The following FOXN3 variants were observed in gnomAD, a reference collection of about 807,000 sequenced individuals.
FOXN3 encodes forkhead box protein N3.
A neutral mutation model predicts 38.4 loss-of-function variants in FOXN3; 7 were observed. The ratio of observed to expected loss-of-function variants is 0.18; its 90% CI spans 0.10 to 0.34. FOXN3 has a LOEUF of 0.34. Ranked by LOEUF, FOXN3 falls within the 10% of genes least tolerant of loss-of-function variation. The pLI is 1.00. For synonymous variants in FOXN3, 230 were observed against 242.2 expected, an observed-to-expected ratio of 0.95 and a Z score of 0.47; for missense variants, 456 against 613.4, an observed-to-expected ratio of 0.74 and a Z score of 2.71.
chr14:89,292,214 C>T (rs1261148115), intron 3 of FOXN3, among the ~76,000 whole-genome samples: 1 of 152,200 alleles, frequency 6.6e-6, no homozygotes, highest in Non-Finnish European at 1.5e-5. Flanking sequence ...CCCTCCACTA[C>T]CCCTTGTCTC....
At chr14:89,219,307 C>T (rs1212120877) in intron 4 of FOXN3, among the ~76,000 whole-genome samples, 2 of 152,126 alleles carry the variant, frequency 1.3e-5, no homozygotes, top group African/African-American at 2.4e-5. Context: ...TCCCCTTTGC[C>T]GTCTGCCACC....
intron 1 of FOXN3, among the ~76,000 whole-genome samples, chr14:89,612,201 G>T (rs1425411238): frequency 6.6e-6 from 1 of 152,066 alleles, no homozygotes; most frequent in African/African-American, 2.4e-5. Context: ...ATTATCATTA[G>T]GTATTAGTAG....
At chr14:89,346,131 C>T (rs1199584773) in intron 3 of FOXN3, among the ~76,000 whole-genome samples, 1 of 152,168 alleles carries the variant, frequency 6.6e-6, no homozygotes, top group Non-Finnish European at 1.5e-5. Context: ...CTTTTTATGG[C>T]TGAGTAGTAT....
At chr14:89,431,907 G>T (rs1892167356) in intron 1 of FOXN3, among the ~76,000 whole-genome samples, 1 of 151,990 alleles carries the variant, frequency 6.6e-6, no homozygotes, top group African/African-American at 2.4e-5. Flanking sequence ...TACAGACGGG[G>T]TTTCACCATG....
rs1434172111 is a variant in FOXN3 at position 89,383,033 on chromosome 14, T to TG, written c.543+28900_543+28901insC. On this transcript the variant is annotated intron_variant, in intron 2 of 5. Coordinates refer to ENST00000557258, the MANE Select transcript of FOXN3 (RefSeq NM_005197.4). ...TGGAGCACAGTTTTGGGTGGTGTTT[T>TG]TTTTTTTTTTTTTTTTTTTTTCCTT... 4.8e-5 allele frequency among the ~76,000 whole-genome samples: 7 copies of TG among 145,308 alleles called. No homozygotes were observed. The South Asian group carries it at 6.8e-4, about 14-fold the overall frequency.
chr14:89,441,970 G>A (rs948509967), intron 1 of FOXN3, among the ~76,000 whole-genome samples: 1 of 146,820 alleles, frequency 6.8e-6, no homozygotes, highest in Non-Finnish European at 1.5e-5. Flanking sequence ...CTTGTTGCCC[G>A]GGCTGGAGTG....
chr14:89,341,034 G>T (rs1481303943), intron 3 of FOXN3, among the ~76,000 whole-genome samples: 1 of 152,054 alleles, frequency 6.6e-6, no homozygotes, highest in African/African-American at 2.4e-5. Context: ...GATATGCCTC[G>T]ACTGTCATGG....
chr14:89,383,417 T>C (rs770885076), intron 2 of FOXN3, among the ~76,000 whole-genome samples: 23 of 152,186 alleles, frequency 1.5e-4, no homozygotes, highest in Admixed American at 9.2e-4. Flanking sequence ...GCAAAAATAA[T>C]TGCAGTTTTT....
chr14:89,439,455 G>T (rs1270637391), intron 1 of FOXN3, among the ~76,000 whole-genome samples: 1 of 152,204 alleles, frequency 6.6e-6, no homozygotes, highest in Non-Finnish European at 1.5e-5. Context: ...ACCTCTGGTC[G>T]TCCTCACTGC....
intron 1 of FOXN3, among the ~76,000 whole-genome samples, chr14:89,540,766 G>A (rs1460931833): frequency 2.0e-5 from 3 of 149,404 alleles, no homozygotes; most frequent in Non-Finnish European, 3.0e-5. Flanking sequence ...GAAAATGAAC[G>A]AGTTATATGC....
intron 4 of FOXN3, chr14:89,230,872 T>C (rs1239843843): frequency 1.5e-5 from 7 of 455,874 alleles, no homozygotes; most frequent in Non-Finnish European, 3.1e-5. Context: ...ATTTTTCTGT[T>C]GAAAAAATAG....
intron 4 of FOXN3, among the ~76,000 whole-genome samples, chr14:89,229,215 G>C (rs1172751008): frequency 6.6e-6 from 1 of 152,172 alleles, no homozygotes; most frequent in Non-Finnish European, 1.5e-5. Context: ...AAATAGATAA[G>C]AGTGTCACCC....
intron 2 of FOXN3, among the ~76,000 whole-genome samples, chr14:89,365,099 C>T (rs577881966): frequency 6.6e-6 from 1 of 152,268 alleles, no homozygotes; most frequent in Admixed American, 6.5e-5. Flanking sequence ...CGCAGAATTT[C>T]CCCGAGCTTC....
chr14:89,430,003 C>T (rs1448907774), intron 1 of FOXN3, among the ~76,000 whole-genome samples: 1 of 152,178 alleles, frequency 6.6e-6, no homozygotes, highest in Admixed American at 6.5e-5. Context: ...TGCCTTTAAT[C>T]AAGTTTAAGC....
In FOXN3 at chr14:89,407,677, C is replaced by CA. The variant is rs544990243; in HGVS notation, c.543+4256dup. The stretch of plus-strand genomic sequence containing the variant: ...CGAAACCCCGTTTCTATGAAAAATA[C>CA]AAAAAAAAAAAATTAGCCAGGCATG... On this transcript the variant is annotated intron_variant, in intron 2 of 5. Transcript: ENST00000557258. 1.9e-3 allele frequency among the ~76,000 whole-genome samples: 270 copies of CA among 145,516 alleles called. 4 individuals are homozygous for CA. The South Asian group carries it at 0.032, about 17-fold the overall frequency.
chr14:89,394,411 T>C (rs960234279), intron 2 of FOXN3, among the ~76,000 whole-genome samples: 1 of 152,018 alleles, frequency 6.6e-6, no homozygotes, highest in Non-Finnish European at 1.5e-5. Context: ...TTCGCCATGT[T>C]GGCCAGGCTG....
intron 1 of FOXN3, among the ~76,000 whole-genome samples, chr14:89,574,451 G>A (rs938232011): frequency 6.6e-6 from 1 of 152,152 alleles, no homozygotes; most frequent in Admixed American, 6.5e-5. Flanking sequence ...GGCAGGGAGA[G>A]AGCAGAGAGA....
rs1180835446 is a variant in FOXN3 at position 89,609,196 on chromosome 14, G to A, written c.-15+9832C>T. Reference sequence around the variant, plus strand: ...GAGAGAACTTGGTAGACTGGGCAATGAGAAGCCATCAAGATTCTTTTTCGA... The same window carrying A: ...GAGAGAACTTGGTAGACTGGGCAATAAGAAGCCATCAAGATTCTTTTTCGA... On this transcript the variant is annotated intron_variant, in intron 1 of 6. Transcript: ENST00000345097. Among the ~76,000 whole-genome samples the A allele has an allele frequency of 4.6e-5, 7 of 152,258 alleles. No individual in the cohort carries two copies. In the East Asian group the frequency reaches 1.2e-3, roughly 25 times the overall value.
At chr14:89,475,530 T>A (rs1893192945) in intron 1 of FOXN3, among the ~76,000 whole-genome samples, 1 of 152,106 alleles carries the variant, frequency 6.6e-6, no homozygotes, top group South Asian at 2.1e-4. Flanking sequence ...TGGCACATGC[T>A]TGTAGCCCCA....
Sources: gnomAD v4.1 joint callset for allele counts (sites outside exome capture counted in the v4.1 genomes callset) on GRCh38, gnomAD v4.1.1 for gene constraint, MANE v1.5 for transcripts, NCBI Gene and HGNC (gene_info 2026-07-23, HGNC 2026-07-21) for gene names.